PAEP: variants seen among roughly 807,000 people sequenced by gnomAD.
The protein encoded by PAEP is glycodelin.
A neutral mutation model predicts 23.0 loss-of-function variants in PAEP; 28 were observed. The observed-to-expected ratio is 1.22, with a 90% CI of 0.90 to 1.67. The LOEUF is 1.67. Among genes scored for constraint, PAEP ranks in the 40% most tolerant of loss-of-function variants. The probability of loss-of-function intolerance (pLI) is 0.00; values close to 1 mark genes in which losing one functional copy is unlikely to be tolerated. For missense variants in PAEP, 209 were observed against 226.4 expected, an observed-to-expected ratio of 0.92 and a Z score of 0.49; for synonymous variants, 103 against 92.4, an observed-to-expected ratio of 1.12 and a Z score of -0.66.
chr9:135,565,735 A>C (rs1360674432), intron 5 of PAEP, 50 bp from the exon 6 acceptor site: 1 of 1,610,148 alleles, frequency 6.2e-7, no homozygotes, highest in South Asian at 1.1e-5. Flanking sequence ...CTGTGTCCCC[A>C]GCTGTCTCTT....
chr9:135,562,957 G>A (rs1327947692), intron 3 of PAEP, 64 bp downstream of exon 3: 3 of 1,334,972 alleles, frequency 2.2e-6, no homozygotes, highest in Non-Finnish European at 2.2e-6. Flanking sequence ...TCTCCCAGAG[G>A]CGGCTCTGCT....
rs769795423 is a variant in PAEP, at chr9:135,561,898, G to A, written c.96+1G>A. On this transcript the variant is annotated splice_donor_variant, in intron 1 of 6. Transcript: ENST00000479141. LOFTEE classifies it high-confidence loss of function. ...CAAGCAGGACCTGGAGCTCCCAAAG[G>A]TTTGAGGCTGGGGGAGCGGGCACTT... The A allele has an allele frequency of 1.2e-5, 18 of 1,524,940 alleles. No individual in the cohort carries two copies. Among genetic ancestry groups the A allele is most frequent in the Non-Finnish European group, 1.6e-5 (18 of 1,130,256 alleles). 94.5% of individuals were successfully genotyped at this position (1,524,940 alleles called of 1,614,324 possible).
At chr9:135,561,950 G>A in intron 1 of PAEP, 53 bp downstream of exon 1, 10 of 1,106,542 alleles carry the variant, frequency 9.0e-6, no homozygotes, top group African/African-American at 1.6e-5. Context: ...GGGCGGGTGG[G>A]AGCTGCGGGC....
At position 135,563,026 on chromosome 9, in the gene PAEP, G is replaced by A. The variant is rs1405762072; in HGVS notation, c.310+133G>A. On this transcript the variant is annotated intron_variant, in intron 3 of 6. Transcript: ENST00000479141. ...ACTCTCTCTGCTTCAGGGAGTCAGA[G>A]TGTTTACTCCGGTCAACCTGATGCT... 14 of 714,370 alleles carry A rather than the reference G, an allele frequency of 2.0e-5. No individual in the cohort carries two copies. In the East Asian group the frequency reaches 3.5e-4, roughly 18 times the overall value. The allele number at this position is 714,370 out of a possible 1,614,324, so 44.3% of individuals were successfully genotyped here.
In PAEP at chr9:135,566,559, T is replaced by G. The variant is rs559611280; in HGVS notation, c.*7T>G. On this transcript the variant is annotated 3_prime_UTR_variant, in exon 7 of 7. Transcript: ENST00000479141. ...TGACCTGTAAACCCAACAGCTCACC[T>G]CCGCCTCCAGGAAGACCAGACTCCC... The G allele has an allele frequency of 6.5e-6, 1 of 154,750 alleles. No individual in the cohort carries two copies. Among genetic ancestry groups the G allele is most frequent in the South Asian group, 2.1e-4 (1 of 4,878 alleles). The allele number at this position is 154,750 out of a possible 1,614,324, so 9.6% of individuals were successfully genotyped here.
intron 4 of PAEP, chr9:135,564,837 C>T: frequency 1.0e-6 from 1 of 985,430 alleles, no homozygotes; most frequent in South Asian, 4.7e-5. Flanking sequence ...TCATCGAGTC[C>T]TCTGACAAAG....
chr9:135,565,763 A>G (rs774889770), intron 5 of PAEP, 22 bp from the exon 6 acceptor site: 4 of 1,613,406 alleles, frequency 2.5e-6, no homozygotes, highest in Non-Finnish European at 2.5e-6. Context: ...TGACACCTCC[A>G]CTGTCCCATC....
intron 2 of PAEP, 71 bp from the exon 3 acceptor site, chr9:135,562,749 T>G: frequency 1.5e-6 from 2 of 1,311,340 alleles, no homozygotes; most frequent in Admixed American, 1.7e-5. Context: ...CGTGGTGACC[T>G]GATTTTAGGA....
At chr9:135,564,484 G>A in intron 4 of PAEP, 130 bp downstream of exon 4, 4 of 1,461,076 alleles carry the variant, frequency 2.7e-6, no homozygotes, top group Non-Finnish European at 3.6e-6. Context: ...TTTTTTTCTT[G>A]GTTTTTTTTA....
rs374314678 is a variant in PAEP at position 135,562,463 on chromosome 9, GC to G, written c.236+31del. 2.1e-4 allele frequency: 338 copies of G among 1,607,282 alleles called. 2 individuals carry two copies. The African/African-American group carries it at 3.9e-3, about 19-fold the overall frequency. ...GTTTCTCATCATTGAGACGGGCTGG[GC>G]GGGGGCTCAGTCTCCCCCCTCAGGG... On this transcript the variant is annotated intron_variant, in intron 2 of 6. Coordinates refer to ENST00000479141, the MANE Select transcript of PAEP (RefSeq NM_002571.4).
In PAEP at chr9:135,562,376, A is replaced by G; in HGVS notation, c.179A>G (p.His60Arg). 1 of 1,614,112 alleles carries G rather than the reference A, an allele frequency of 6.2e-7. No individual in the cohort carries two copies. Among genetic ancestry groups the G allele is most frequent in the Non-Finnish European group, 8.5e-7 (1 of 1,179,998 alleles). Residue 60 changes from histidine to arginine, a missense_variant, in exon 2 of 7, where the codon CAC becomes CGC. His to Arg is a conservative substitution (Grantham distance 29). Coordinates refer to ENST00000479141, the MANE Select transcript of PAEP (RefSeq NM_002571.4). ...MATLKAPLRV[H>R]ITSLLPTPED... ...ACACTGAAGGCCCCTCTGAGGGTCCACATCACCTCACTGTTGCCCACCCCC... is the reference window on the plus strand; with the variant it reads ...ACACTGAAGGCCCCTCTGAGGGTCCGCATCACCTCACTGTTGCCCACCCCC...
Position 135,561,814 on chromosome 9 carries a change from C to A in PAEP, c.13C>A (p.Leu5Met). The A allele has an allele frequency of 6.4e-7, 1 of 1,554,022 alleles. No homozygotes were observed. Among genetic ancestry groups the A allele is most frequent in the East Asian group, 2.4e-5 (1 of 41,404 alleles). Residue 5 changes from leucine (L) to methionine (M), a missense_variant, in exon 1 of 7, where the codon CTG becomes ATG. Transcript: ENST00000479141. MLCL[L>M]LTLGVALVCG... ...CACAGCCGCAGCCATGCTGTGCCTC[C>A]TGCTCACCCTGGGCGTGGCCCTGGT...
chr9:135,565,190 G>C (rs1832518455), intron 4 of PAEP: 2 of 576,980 alleles, frequency 3.5e-6, no homozygotes, highest in South Asian at 4.0e-5. Context: ...CGGAGCAGAG[G>C]GGGCCGGGCC....
At chr9:135,563,143 C>G (rs1832391355) in intron 3 of PAEP, among the ~76,000 whole-genome samples, 1 of 152,260 alleles carries the variant, frequency 6.6e-6, no homozygotes. Flanking sequence ...TGCCCAGGCA[C>G]AGGGGACAGG....
intron 6 of PAEP, 46 bp downstream of exon 6, chr9:135,565,847 GCC>G: frequency 6.2e-7 from 1 of 1,609,860 alleles, no homozygotes; most frequent in East Asian, 2.2e-5. Context: ...TATCAGCCTC[GCC>G]CACTGTCTGC....
At chr9:135,561,946 G>A (rs1832317831) in intron 1 of PAEP, 49 bp downstream of exon 1, 6 of 1,354,284 alleles carry the variant, frequency 4.4e-6, no homozygotes, top group Non-Finnish European at 5.1e-6. Context: ...CCTGGGGCGG[G>A]TGGGAGCTGC....
At chr9:135,565,714 C>A (rs1349113028) in intron 5 of PAEP, 71 bp from the exon 6 acceptor site, 5 of 1,564,142 alleles carry the variant, frequency 3.2e-6, no homozygotes, top group Non-Finnish European at 4.4e-6. Context: ...CCTTCTCTAG[C>A]CCTGGGGCTG....
intron 1 of PAEP, 31 bp downstream of exon 1, chr9:135,561,928 G>T: frequency 1.3e-6 from 2 of 1,510,684 alleles, no homozygotes; most frequent in African/African-American, 1.4e-5. Context: ...GCACTTTACT[G>T]TGGGAGGCCT....
chr9:135,563,720 A>G (rs1381976511), intron 3 of PAEP, among the ~76,000 whole-genome samples: 2 of 152,136 alleles, frequency 1.3e-5, no homozygotes, highest in Admixed American at 6.5e-5. Flanking sequence ...TATTTTGTTA[A>G]TTATTATTTT....
Sources: allele counts gnomAD v4.1 joint callset (sites outside exome capture counted in the v4.1 genomes callset), GRCh38; gene constraint gnomAD v4.1.1; transcripts MANE v1.5; gene names NCBI Gene and HGNC (gene_info 2026-07-23, HGNC 2026-07-21).